The following ARHGEF3 variants were observed in gnomAD, a reference collection of about 807,000 sequenced individuals.
The protein encoded by ARHGEF3 is 59.8 kDA protein.
Under a neutral mutation model 63.2 loss-of-function variants are expected in ARHGEF3, and 28 were observed. The observed-to-expected ratio is 0.44, with a 90% CI of 0.33 to 0.61. The LOEUF (loss-of-function observed/expected upper bound fraction) is 0.61, where lower values mean the gene tolerates loss of function less well. ARHGEF3 is among the 20% of genes least tolerant of loss of function. The pLI is 0.03. For missense variants in ARHGEF3, 533 were observed against 659.3 expected (o/e 0.81, Z 2.10); for synonymous variants, 266 against 254.2 (o/e 1.05, Z -0.44).
At position 56,992,375 on chromosome 3, in the gene ARHGEF3, TAAAAAAAAAAAAAAAAAAAAAAAAA is replaced by T. The variant is rs57740672; in HGVS notation, c.63-33511_63-33487del. ...GGTCCTATGGTAGGGAGGATGGCTT[TAAAAAAAAAAAAAAAAAAAAAAAAA>T]AAAAAAAAAAAAAACAGAAAGAAGG... On this transcript the variant is annotated intron_variant, in intron 2 of 12. Transcript: ENST00000338458. 4.8e-3 allele frequency among the ~76,000 whole-genome samples: 223 copies of T among 46,154 alleles called. 5 individuals are homozygous for T. The highest frequency in any genetic ancestry group is 0.011 in the African/African-American group (209 of 19,688). The allele number at this position is 46,154 out of a possible 152,430, so 30.3% of individuals were successfully genotyped here. A position where few individuals can be genotyped will look rare whatever the true frequency, so the allele number is the denominator to read the frequency against.
chr3:56,837,304 T>C (rs1455386881), intron 4 of ARHGEF3, among the ~76,000 whole-genome samples: 1 of 152,210 alleles, frequency 6.6e-6, no homozygotes, highest in Admixed American at 6.5e-5. Flanking sequence ...TCTGCTACCA[T>C]ACTCTGAAAA....
intron 2 of ARHGEF3, among the ~76,000 whole-genome samples, chr3:56,999,908 CTA>C (rs1273202544): frequency 1.3e-5 from 2 of 152,200 alleles, no homozygotes; most frequent in African/African-American, 4.8e-5. Context: ...TGAGAGATCA[CTA>C]TGTAGGGAAT....
chr3:56,860,701 AT>A (rs988744905), intron 4 of ARHGEF3, among the ~76,000 whole-genome samples: 3 of 152,112 alleles, frequency 2.0e-5, no homozygotes, highest in African/African-American at 4.8e-5. Context: ...TACAGATGTA[AT>A]TTTTTTTCCA....
chr3:56,939,837 A>G (rs778140519), intron 3 of ARHGEF3: 4 of 152,218 alleles, frequency 2.6e-5, no homozygotes, highest in Non-Finnish European at 5.9e-5. Context: ...TTTTGTAGGC[A>G]GGAATTATTT....
chr3:56,771,509 G>A (rs749095697), intron 2 of ARHGEF3, among the ~76,000 whole-genome samples: 1 of 152,232 alleles, frequency 6.6e-6, no homozygotes, highest in Non-Finnish European at 1.5e-5. Context: ...CAATGACAGA[G>A]AGTAAAGGGC....
intron 1 of ARHGEF3, among the ~76,000 whole-genome samples, chr3:57,042,684 A>ATTT (rs1704258131): frequency 5.1e-4 from 5 of 9,866 alleles, no homozygotes; most frequent in African/African-American, 1.2e-3. Flanking sequence ...ATATATATAT[A>ATTT]TATATATATA....
chr3:56,892,364 A>G (rs1177948749), intron 3 of ARHGEF3, among the ~76,000 whole-genome samples: 1 of 152,132 alleles, frequency 6.6e-6, no homozygotes, highest in Non-Finnish European at 1.5e-5. Flanking sequence ...TAACCAGAGC[A>G]CTTTTACTAG....
chr3:56,945,444 T>G (rs1320816232), intron 3 of ARHGEF3, among the ~76,000 whole-genome samples: 1 of 152,162 alleles, frequency 6.6e-6, no homozygotes, highest in Admixed American at 6.5e-5. Flanking sequence ...CCAACGGTCT[T>G]AGCAAATGGC....
chr3:56,982,342 A>C (rs537196199), intron 2 of ARHGEF3, among the ~76,000 whole-genome samples: 6 of 152,228 alleles, frequency 3.9e-5, no homozygotes, highest in African/African-American at 1.4e-4. Context: ...GCAAAAGTTC[A>C]TTAAAGAAAG....
At chr3:57,064,877 T>A (rs1363479459) in intron 1 of ARHGEF3, among the ~76,000 whole-genome samples, 2 of 152,212 alleles carry the variant, frequency 1.3e-5, no homozygotes, top group African/African-American at 2.4e-5. Context: ...AATATCAGTA[T>A]ACGCAACACT....
At chr3:56,883,939 TA>T (rs1224753963) in intron 3 of ARHGEF3, among the ~76,000 whole-genome samples, 4 of 152,192 alleles carry the variant, frequency 2.6e-5, no homozygotes, top group Non-Finnish European at 5.9e-5. Context: ...GTTGTTCTAT[TA>T]TTTTTTTCAC....
At chr3:57,032,568 T>C (rs895958896) in intron 2 of ARHGEF3, among the ~76,000 whole-genome samples, 2 of 152,208 alleles carry the variant, frequency 1.3e-5, no homozygotes, top group African/African-American at 4.8e-5. Flanking sequence ...TTTCTGTCTG[T>C]TACCTAATGG....
chr3:57,047,398 AAAC>A (rs10642649), intron 1 of ARHGEF3, among the ~76,000 whole-genome samples: 35 of 151,454 alleles, frequency 2.3e-4, no homozygotes, highest in East Asian at 9.7e-4. Context: ...TTCGTCTCAA[AAAC>A]AACAACAACA....
intron 1 of ARHGEF3, chr3:56,775,183 G>C (rs1039136171): frequency 6.7e-7 from 1 of 1,498,456 alleles, no homozygotes; most frequent in Non-Finnish European, 8.9e-7. Context: ...GAGGGTTAAG[G>C]CAGAACTTCA....
chr3:56,968,724 T>C (rs866927013), intron 2 of ARHGEF3, among the ~76,000 whole-genome samples: 7 of 152,040 alleles, frequency 4.6e-5, no homozygotes, highest in Non-Finnish European at 1.0e-4. Flanking sequence ...ATTGAACACA[T>C]AATCAACAGG....
intron 4 of ARHGEF3, among the ~76,000 whole-genome samples, chr3:56,752,029 T>C (rs2034790303): frequency 6.6e-6 from 1 of 152,218 alleles, no homozygotes; most frequent in South Asian, 2.1e-4. Context: ...TAGTTTATAT[T>C]TTAGTTTCTG....
At chr3:56,788,833 C>G (rs2036944396) in intron 1 of ARHGEF3, among the ~76,000 whole-genome samples, 1 of 152,084 alleles carries the variant, frequency 6.6e-6, no homozygotes, top group Non-Finnish European at 1.5e-5. Flanking sequence ...TTTTGTTATT[C>G]TACCTGGCAG....
chr3:56,888,871 C>G (rs1209181640), intron 3 of ARHGEF3, among the ~76,000 whole-genome samples: 1 of 151,924 alleles, frequency 6.6e-6, no homozygotes, highest in Non-Finnish European at 1.5e-5. Flanking sequence ...CCATTGCACT[C>G]CAGCCTGGGC....
chr3:57,043,220 G>A (rs11719929), intron 1 of ARHGEF3, among the ~76,000 whole-genome samples: 12,021 of 151,466 alleles, frequency 0.079, 648 homozygotes, highest in East Asian at 0.19. Context: ...GTGTTCAAGC[G>A]ATTCTCCTGC....
Sources: gnomAD v4.1 joint callset for allele counts (sites outside exome capture counted in the v4.1 genomes callset) on GRCh38, gnomAD v4.1.1 for gene constraint, MANE v1.5 for transcripts, NCBI Gene and HGNC (gene_info 2026-07-23, HGNC 2026-07-21) for gene names.